Variants in GRK3 observed in about 807,000 individuals in gnomAD.
GRK3 encodes the protein adrenergic, beta, receptor kinase 2.
GRK3 carries 54 observed loss-of-function variants against 95.7 expected under a neutral mutation model. The observed-to-expected ratio is 0.56, with a 90% CI of 0.45 to 0.71. GRK3 has a LOEUF of 0.71. Ranked by LOEUF, GRK3 falls within the 30% of genes least tolerant of loss-of-function variation. The pLI is 0.00. For synonymous variants in GRK3, 281 were observed against 290.8 expected, an observed-to-expected ratio of 0.97 and a Z score of 0.34; for missense variants, 649 against 851.2, an observed-to-expected ratio of 0.76 and a Z score of 2.96.
At chr22:25,714,842 T>C (rs533300041) in intron 18 of GRK3, among the ~76,000 whole-genome samples, 1 of 152,236 alleles carries the variant, frequency 6.6e-6, no homozygotes, top group South Asian at 2.1e-4. Flanking sequence ...TTGGACGTTT[T>C]TTCCTTCCAG....
chr22:25,664,358 A>G (rs1166468838), intron 5 of GRK3, among the ~76,000 whole-genome samples: 1 of 152,198 alleles, frequency 6.6e-6, no homozygotes, highest in African/African-American at 2.4e-5. Context: ...GGACAGTCAG[A>G]TTCTCCAATG....
chr22:25,701,238 T>C (rs990709187), intron 13 of GRK3, among the ~76,000 whole-genome samples: 2 of 152,226 alleles, frequency 1.3e-5, no homozygotes, highest in African/African-American at 4.8e-5. Context: ...AGGGAGCAGC[T>C]GCGATCACAC....
At chr22:25,673,715 G>C (rs569876019) in intron 7 of GRK3, among the ~76,000 whole-genome samples, 1 of 152,046 alleles carries the variant, frequency 6.6e-6, no homozygotes, top group South Asian at 2.1e-4. Flanking sequence ...ATTGTCTTAC[G>C]GCCTCTTACG....
In GRK3 at chr22:25,727,171, T is replaced by A. The variant is rs984174256; in HGVS notation, c.*4721T>A. The A allele has an allele frequency of 5.9e-5, 9 of 152,220 alleles. No homozygotes were observed. The highest frequency in any genetic ancestry group is 8.8e-5 in the Non-Finnish European group (6 of 68,044). The allele number at this position is 152,220 out of a possible 1,614,324, so 9.4% of individuals were successfully genotyped here. ...CCCATCTCTACAAAAAAAATTTTTT[T>A]AAGTAATTAACCGTTTAAATTTTTT... On this transcript the variant is annotated 3_prime_UTR_variant, in exon 21 of 21. Coordinates refer to ENST00000324198, the MANE Select transcript of GRK3 (RefSeq NM_005160.4).
intron 2 of GRK3, among the ~76,000 whole-genome samples, chr22:25,604,689 C>A (rs1392989150): frequency 6.6e-6 from 1 of 152,202 alleles, no homozygotes; most frequent in African/African-American, 2.4e-5. Context: ...ATGAACTCAG[C>A]GTTGCTGAAT....
intron 20 of GRK3, 115 bp from the exon 21 acceptor site, chr22:25,722,174 G>A (rs1005440752): frequency 2.2e-5 from 26 of 1,173,274 alleles, no homozygotes; most frequent in East Asian, 1.2e-4. Flanking sequence ...GGGTGGACAC[G>A]TAGGGTGTGC....
At chr22:25,695,710 T>G (rs1028928629) in intron 13 of GRK3, among the ~76,000 whole-genome samples, 1 of 152,152 alleles carries the variant, frequency 6.6e-6, no homozygotes, top group Non-Finnish European at 1.5e-5. Flanking sequence ...TGCAGTGTAG[T>G]CACACAGACA....
At chr22:25,597,004 C>A (rs1020394800) in intron 1 of GRK3, among the ~76,000 whole-genome samples, 2 of 152,124 alleles carry the variant, frequency 1.3e-5, no homozygotes, top group Non-Finnish European at 2.9e-5. Flanking sequence ...TCCTTTCCTC[C>A]TTCTCCCTGT....
chr22:25,693,545 G>A (rs1239194140), intron 12 of GRK3, among the ~76,000 whole-genome samples: 1 of 152,128 alleles, frequency 6.6e-6, no homozygotes, highest in African/African-American at 2.4e-5. Context: ...TCACAGCGTG[G>A]CCTGATGACC....
At chr22:25,588,641 A>G (rs907737046) in intron 1 of GRK3, among the ~76,000 whole-genome samples, 1 of 152,192 alleles carries the variant, frequency 6.6e-6, no homozygotes, top group Non-Finnish European at 1.5e-5. Flanking sequence ...GTAACTACAT[A>G]TAAGGAAAGT....
intron 12 of GRK3, among the ~76,000 whole-genome samples, chr22:25,692,038 A>C (rs2085168693): frequency 6.6e-6 from 1 of 152,084 alleles, no homozygotes; most frequent in African/African-American, 2.4e-5. Flanking sequence ...ATCACGGCTC[A>C]CTGCAGCCTC....
At chr22:25,722,013 A>G (rs1037146941) in intron 20 of GRK3, among the ~76,000 whole-genome samples, 6 of 152,252 alleles carry the variant, frequency 3.9e-5, no homozygotes, top group African/African-American at 1.4e-4. Flanking sequence ...TTAGAAATCA[A>G]AAGTAATCTC....
chr22:25,696,835 G>A (rs527571560), intron 13 of GRK3, among the ~76,000 whole-genome samples: 6 of 152,366 alleles, frequency 3.9e-5, no homozygotes, highest in South Asian at 2.1e-4. Context: ...GTCGGGTTCT[G>A]TTATTCCTTA....
chr22:25,722,279 TC>T lies in GRK3; in HGVS notation c.1906-5del. Reference sequence around the variant, plus strand: ...CCTGTCACAACGGCTGCCTTTGTATTCCCCCTCAGAGTGATCCAGAGTTTGT... The same window carrying T: ...CCTGTCACAACGGCTGCCTTTGTATTCCCCTCAGAGTGATCCAGAGTTTGT... On this transcript the variant is annotated splice_polypyrimidine_tract_variant and intron_variant, in intron 20 of 20. Coordinates refer to ENST00000324198, the MANE Select transcript of GRK3 (RefSeq NM_005160.4). The T allele has an allele frequency of 6.2e-7, 1 of 1,611,652 alleles. No homozygotes were observed. Among genetic ancestry groups the T allele is most frequent in the Admixed American group, 1.7e-5 (1 of 59,964 alleles).
intron 18 of GRK3, 127 bp downstream of exon 18, chr22:25,714,697 CT>C: frequency 1.2e-6 from 1 of 854,070 alleles, no homozygotes; most frequent in Non-Finnish European, 1.8e-6. Flanking sequence ...CCATAAATCG[CT>C]TTAGTTTGCT....
chr22:25,567,024 C>T (rs1463066002), intron 1 of GRK3, among the ~76,000 whole-genome samples: 1 of 151,800 alleles, frequency 6.6e-6, no homozygotes, highest in Non-Finnish European at 1.5e-5. Flanking sequence ...TAAGAACGTA[C>T]TTATGCACTT....
At chr22:25,664,583 C>G (rs2146404445) in intron 5 of GRK3, among the ~76,000 whole-genome samples, 1 of 139,726 alleles carries the variant, frequency 7.2e-6, no homozygotes, top group East Asian at 2.1e-4. Flanking sequence ...TGCAGTGGTG[C>G]TATCTCTGCT....
chr22:25,640,117 C>A (rs1289176292), intron 2 of GRK3, among the ~76,000 whole-genome samples: 1 of 152,082 alleles, frequency 6.6e-6, no homozygotes, highest in East Asian at 1.9e-4. Flanking sequence ...TTAGTTCTTC[C>A]TTTTCAATTT....
chr22:25,603,683 T>C (rs1569160379), intron 1 of GRK3, among the ~76,000 whole-genome samples: 1 of 152,238 alleles, frequency 6.6e-6, no homozygotes, highest in Admixed American at 6.5e-5. Context: ...ATTGATGTCA[T>C]AGATAAATTT....
Sources: gnomAD v4.1 joint callset for allele counts (sites outside exome capture counted in the v4.1 genomes callset) on GRCh38, gnomAD v4.1.1 for gene constraint, MANE v1.5 for transcripts, NCBI Gene and HGNC (gene_info 2026-07-23, HGNC 2026-07-21) for gene names.